HPSE2: variants seen among roughly 807,000 people sequenced by gnomAD.
HPSE2 encodes inactive heparanase-2.
Under a neutral mutation model 60.5 loss-of-function variants are expected in HPSE2, and 38 were observed. The ratio of observed to expected loss-of-function variants is 0.63; its 90% CI spans 0.48 to 0.82. HPSE2 has a LOEUF of 0.82. HPSE2 is among the 40% of genes least tolerant of loss of function. HPSE2 has a pLI of 0.00. For missense variants in HPSE2, 713 were observed against 740.4 expected (o/e 0.96, Z 0.43); for synonymous variants, 295 against 293.2 (o/e 1.01, Z -0.06).
chr10:99,122,459 T>A (rs1428020434), intron 3 of HPSE2, among the ~76,000 whole-genome samples: 2 of 151,910 alleles, frequency 1.3e-5, no homozygotes, highest in African/African-American at 4.8e-5. Context: ...ATGAATAAGC[T>A]ACTAGAATTA....
At chr10:99,270,574 G>T in the HPSE2 span, among the ~76,000 whole-genome samples, 2 of 152,128 alleles carry the variant, frequency 1.3e-5, no homozygotes, top group Non-Finnish European at 2.9e-5. Flanking sequence ...AGAAGAATTT[G>T]TACCAATCCT....
At chr10:98,520,833 C>T (rs1471869289) in intron 9 of HPSE2, among the ~76,000 whole-genome samples, 2 of 152,122 alleles carry the variant, frequency 1.3e-5, no homozygotes, top group African/African-American at 4.8e-5. Context: ...AGAAATAACA[C>T]CACACATCTA....
chr10:99,269,730 C>T, the HPSE2 span, among the ~76,000 whole-genome samples: 1 of 152,110 alleles, frequency 6.6e-6, no homozygotes, highest in Non-Finnish European at 1.5e-5. Context: ...TCATAGGCCA[C>T]AAAACAAGCC....
intron 3 of HPSE2, among the ~76,000 whole-genome samples, chr10:98,835,720 C>T (rs1951776049): frequency 6.6e-6 from 1 of 152,168 alleles, no homozygotes; most frequent in Non-Finnish European, 1.5e-5. Context: ...TGTGTTACAG[C>T]TTGAAGAGAC....
intron 9 of HPSE2, among the ~76,000 whole-genome samples, chr10:98,538,934 G>A (rs541731283): frequency 1.3e-5 from 2 of 152,200 alleles, no homozygotes; most frequent in South Asian, 4.1e-4. Flanking sequence ...ATGGATTCAT[G>A]TGTATTGTCA....
At chr10:99,253,391 G>T in the HPSE2 span, among the ~76,000 whole-genome samples, 1 of 152,178 alleles carries the variant, frequency 6.6e-6, no homozygotes, top group Non-Finnish European at 1.5e-5. Context: ...AATGGGGAAA[G>T]GATTCCTTAT....
intron 3 of HPSE2, among the ~76,000 whole-genome samples, chr10:99,015,412 C>T (rs1174669882): frequency 9.9e-5 from 15 of 152,156 alleles, no homozygotes; most frequent in Admixed American, 2.6e-4. Flanking sequence ...AGACTTGGAA[C>T]GAAACCAAAT....
At chr10:98,565,550 C>T (rs1421283607) in intron 9 of HPSE2, among the ~76,000 whole-genome samples, 2 of 152,120 alleles carry the variant, frequency 1.3e-5, no homozygotes, top group African/African-American at 2.4e-5. Flanking sequence ...TGCATATGTA[C>T]CACATTTTCT....
intron 3 of HPSE2, among the ~76,000 whole-genome samples, chr10:99,030,540 T>C (rs1324567723): frequency 1.3e-5 from 2 of 152,144 alleles, no homozygotes; most frequent in Admixed American, 6.6e-5. Context: ...ACCCTATTGG[T>C]GGAAATGTAA....
intron 3 of HPSE2, among the ~76,000 whole-genome samples, chr10:98,788,774 G>C (rs1343324489): frequency 6.6e-6 from 1 of 151,344 alleles, no homozygotes; most frequent in African/African-American, 2.4e-5. Flanking sequence ...GCGCTTCCCA[G>C]GTGAGGCAAT....
intron 3 of HPSE2, among the ~76,000 whole-genome samples, chr10:99,092,833 T>C (rs1267909944): frequency 5.9e-5 from 9 of 152,200 alleles, no homozygotes; most frequent in Admixed American, 5.9e-4. Context: ...ACGTAACTGC[T>C]TTTGTGGTTC....
At chr10:99,175,757 G>T (rs1339469788) in intron 2 of HPSE2, among the ~76,000 whole-genome samples, 1 of 152,198 alleles carries the variant, frequency 6.6e-6, no homozygotes, top group Admixed American at 6.5e-5. Context: ...TCCCAGCACA[G>T]GGTTCGAGTT....
At chr10:99,122,973 T>A (rs1353692902) in intron 3 of HPSE2, among the ~76,000 whole-genome samples, 1 of 152,108 alleles carries the variant, frequency 6.6e-6, no homozygotes, top group Non-Finnish European at 1.5e-5. Context: ...TACAAATACA[T>A]GTGGGAGTAT....
At chr10:99,088,235 G>A (rs1843392097) in intron 3 of HPSE2, among the ~76,000 whole-genome samples, 1 of 151,852 alleles carries the variant, frequency 6.6e-6, no homozygotes, top group Non-Finnish European at 1.5e-5. Flanking sequence ...ATAGGTTTTG[G>A]GGAAACAGGT....
At chr10:98,951,922 T>C (rs1322204368) in intron 3 of HPSE2, among the ~76,000 whole-genome samples, 2 of 152,186 alleles carry the variant, frequency 1.3e-5, no homozygotes, top group East Asian at 1.9e-4. Flanking sequence ...CCCCATCTTA[T>C]AGATGAGGAA....
chr10:98,919,679 C>T (rs1411713201), intron 3 of HPSE2, among the ~76,000 whole-genome samples: 6 of 152,018 alleles, frequency 3.9e-5, no homozygotes, highest in African/African-American at 1.4e-4. Flanking sequence ...GTTCTTTCTG[C>T]TCATATCAGA....
intron 11 of HPSE2, among the ~76,000 whole-genome samples, chr10:98,470,999 A>G (rs1351044863): frequency 2.0e-5 from 3 of 152,140 alleles, no homozygotes; most frequent in Admixed American, 6.5e-5. Context: ...ATAATCCTCT[A>G]ATCGGCACAG....
intron 2 of HPSE2, among the ~76,000 whole-genome samples, chr10:99,206,329 A>G (rs1848744301): frequency 6.6e-6 from 1 of 152,164 alleles, no homozygotes. Flanking sequence ...TGCTGGGCAC[A>G]GTGTCTTATG....
intron 3 of HPSE2, among the ~76,000 whole-genome samples, chr10:98,808,425 T>C (rs1951091813): frequency 6.6e-6 from 1 of 152,186 alleles, no homozygotes; most frequent in Non-Finnish European, 1.5e-5. Context: ...TCATCCAGCC[T>C]ATTTAATGCA....
Sources: allele counts gnomAD v4.1 joint callset (sites outside exome capture counted in the v4.1 genomes callset), GRCh38; gene constraint gnomAD v4.1.1; transcripts MANE v1.5; gene names NCBI Gene and HGNC (gene_info 2026-07-23, HGNC 2026-07-21).